The following CDH22 variants were observed in gnomAD, a reference collection of about 807,000 sequenced individuals.
CDH22 encodes the protein cadherin 22.
Under a neutral mutation model 58.4 loss-of-function variants are expected in CDH22, and 30 were observed. The ratio of observed to expected loss-of-function variants is 0.51; its 90% CI spans 0.38 to 0.70. The LOEUF (loss-of-function observed/expected upper bound fraction) is 0.70, where lower values mean the gene tolerates loss of function less well. Among genes scored for constraint, CDH22 ranks in the 30% least tolerant of loss-of-function variants. The pLI is 0.00. For synonymous variants in CDH22, 513 were observed against 558.2 expected (o/e 0.92, Z 1.14); for missense variants, 1,014 against 1,233.9 (o/e 0.82, Z 2.67).
chr20:46,202,679 C>T (rs2085970427), intron 7 of CDH22, among the ~76,000 whole-genome samples: 1 of 152,108 alleles, frequency 6.6e-6, no homozygotes, highest in African/African-American at 2.4e-5. Flanking sequence ...GCCTGACCGA[C>T]AGCCCATCCA....
At chr20:46,288,255 C>G (rs142968282) in intron 1 of CDH22, among the ~76,000 whole-genome samples, 1 of 152,222 alleles carries the variant, frequency 6.6e-6, no homozygotes, top group East Asian at 1.9e-4. Flanking sequence ...TGAATCCCTC[C>G]CTGGTACCCC....
chr20:46,294,360 T>C (rs1257012026), intron 1 of CDH22, among the ~76,000 whole-genome samples: 10 of 152,232 alleles, frequency 6.6e-5, no homozygotes, highest in East Asian at 1.9e-4. Flanking sequence ...TGAGGAGCCA[T>C]GCAACCTCCT....
rs939472137 is a variant in CDH22 at position 46,189,043 on chromosome 20, C to T, written c.1424-2096G>A. ...AAACTCAGGATCCACTGTGTGCTGA[C>T]GGCAGCTGCTCACGTGTTGATAAAG... On this transcript the variant is annotated intron_variant, in intron 8 of 11. Transcript: ENST00000537909. Among the ~76,000 whole-genome samples, 20 of 152,180 alleles carry T rather than the reference C, an allele frequency of 1.3e-4. No individual in the cohort carries two copies. In the East Asian group the frequency reaches 2.7e-3, roughly 21 times the overall value.
intron 1 of CDH22, among the ~76,000 whole-genome samples, chr20:46,307,716 C>A (rs2059030235): frequency 6.6e-6 from 1 of 151,986 alleles, no homozygotes; most frequent in Non-Finnish European, 1.5e-5. Context: ...GGACGCGGCA[C>A]GACCTCGCAC....
At chr20:46,262,441 G>A (rs377453436) in intron 1 of CDH22, among the ~76,000 whole-genome samples, 1 of 152,084 alleles carries the variant, frequency 6.6e-6, no homozygotes, top group Admixed American at 6.5e-5. Flanking sequence ...ACATGCTGCC[G>A]CACAGGTCTT....
intron 1 of CDH22, among the ~76,000 whole-genome samples, chr20:46,289,342 T>C (rs1039978919): frequency 6.6e-6 from 1 of 152,190 alleles, no homozygotes; most frequent in African/African-American, 2.4e-5. Flanking sequence ...ATAACACTTA[T>C]CACTATCTGA....
Position 46,216,709 on chromosome 20 carries a change from AG to A in CDH22, c.838+116del. 1.0e-6 allele frequency: 1 copy of A among 959,950 alleles called. No homozygotes were observed. Among genetic ancestry groups the A allele is most frequent in the African/African-American group, 1.6e-5 (1 of 61,678 alleles). 59.5% of individuals were successfully genotyped at this position (959,950 alleles called of 1,614,324 possible). A position where few individuals can be genotyped will look rare whatever the true frequency, so the allele number is the denominator to read the frequency against. Reference sequence around the variant, plus strand: ...AGGACAGACAGACAGACAGAAAGAGAGGGGGAAGCCCTTCTTTTGGTGGGAA... The same window carrying A: ...AGGACAGACAGACAGACAGAAAGAGAGGGGAAGCCCTTCTTTTGGTGGGAA... On this transcript the variant is annotated intron_variant, in intron 5 of 11. Coordinates refer to ENST00000537909, the MANE Select transcript of CDH22 (RefSeq NM_021248.3). The surrounding 1 kb of genome is among the most constrained non-coding windows in gnomAD (Gnocchi z 5.3).
rs1237258704 is a variant in CDH22, at chr20:46,308,039, A to T, written c.-400+216T>A. 9.2e-5 allele frequency among the ~76,000 whole-genome samples: 14 copies of T among 151,484 alleles called. No homozygotes were observed. The highest frequency in any genetic ancestry group is 1.8e-4 in the Non-Finnish European group (12 of 67,770). On this transcript the variant is annotated intron_variant, in intron 1 of 11. Coordinates refer to ENST00000537909, the MANE Select transcript of CDH22 (RefSeq NM_021248.3). This position sits in a 1 kb window ranked among gnomAD's most constrained non-coding sequence, Gnocchi z 4.3. ...GGCGGCTCGGCTCCGCGCCGGGGAAAGTTTGGACGTGGGAAACTCCCTCCC... is the reference window on the plus strand; with the variant it reads ...GGCGGCTCGGCTCCGCGCCGGGGAATGTTTGGACGTGGGAAACTCCCTCCC...
intron 4 of CDH22, among the ~76,000 whole-genome samples, chr20:46,223,403 GGTCCCCAC>G: frequency 1.3e-5 from 2 of 152,060 alleles, no homozygotes; most frequent in East Asian, 3.9e-4. Context: ...TCAACCCTAG[GGTCCCCAC>G]CTCCTCAGGC....
At chr20:46,274,838 A>AAC (rs1482311229) in intron 1 of CDH22, among the ~76,000 whole-genome samples, 10 of 151,884 alleles carry the variant, frequency 6.6e-5, no homozygotes, top group Non-Finnish European at 1.5e-5. Flanking sequence ...AAAAAAAAAA[A>AAC]AACCAAAAAT....
intron 11 of CDH22, among the ~76,000 whole-genome samples, chr20:46,177,521 C>T (rs1383734319): frequency 6.6e-6 from 1 of 152,118 alleles, no homozygotes; most frequent in Non-Finnish European, 1.5e-5. Flanking sequence ...AAAGATTATC[C>T]AGTACCCTTA....
At chr20:46,230,181 T>A (rs958878080) in intron 3 of CDH22, among the ~76,000 whole-genome samples, 3 of 152,042 alleles carry the variant, frequency 2.0e-5, no homozygotes, top group African/African-American at 7.2e-5. Context: ...GGGACCACCT[T>A]GGGGTGGTCC....
Position 46,186,815 on chromosome 20 carries a change from C to A in CDH22, c.1545+11G>T, listed in dbSNP as rs942757588. 5.0e-6 allele frequency: 8 copies of A among 1,599,252 alleles called. No homozygotes were observed. The highest frequency in any genetic ancestry group is 6.8e-6 in the Non-Finnish European group (8 of 1,171,764). On this transcript the variant is annotated intron_variant, in intron 9 of 11. Transcript: ENST00000537909. Reference sequence around the variant, plus strand: ...GGAAGCAACGCCCAGTCCCCACCCCCTCAGGGGTACCTGGCCTGGCTTGGC... The same window carrying A: ...GGAAGCAACGCCCAGTCCCCACCCCATCAGGGGTACCTGGCCTGGCTTGGC...
chr20:46,232,058 C>T (rs1312587549), intron 3 of CDH22, among the ~76,000 whole-genome samples: 1 of 152,192 alleles, frequency 6.6e-6, no homozygotes, highest in African/African-American at 2.4e-5. Context: ...ACACCAGCAT[C>T]AGGAGGGAGG....
intron 1 of CDH22, among the ~76,000 whole-genome samples, chr20:46,269,446 C>T (rs2086477070): frequency 6.6e-6 from 1 of 152,216 alleles, no homozygotes; most frequent in African/African-American, 2.4e-5. Flanking sequence ...TTGTCAAGTG[C>T]TTGATAACCA....
intron 1 of CDH22, among the ~76,000 whole-genome samples, chr20:46,305,075 C>G (rs893485796): frequency 3.9e-5 from 6 of 152,222 alleles, no homozygotes; most frequent in Non-Finnish European, 7.3e-5. Context: ...CTGTCCTGCA[C>G]CTCTGTTTCC....
At chr20:46,178,952 A>G (rs1456576918) in intron 10 of CDH22, among the ~76,000 whole-genome samples, 2 of 152,138 alleles carry the variant, frequency 1.3e-5, no homozygotes, top group African/African-American at 2.4e-5. Context: ...GCGGCCAGAG[A>G]GGACAGTGAA....
intron 4 of CDH22, among the ~76,000 whole-genome samples, chr20:46,226,578 C>T (rs1230785495): frequency 6.6e-6 from 1 of 152,170 alleles, no homozygotes. Context: ...CCACTGCACC[C>T]GCAGACACTT....
intron 1 of CDH22, among the ~76,000 whole-genome samples, chr20:46,260,197 T>G (rs2086426447): frequency 6.6e-6 from 1 of 152,222 alleles, no homozygotes; most frequent in African/African-American, 2.4e-5. Flanking sequence ...CTTTTTGTTT[T>G]CTGCATGTGG....
Sources: gnomAD v4.1 joint callset for allele counts (sites outside exome capture counted in the v4.1 genomes callset) on GRCh38, gnomAD v4.1.1 for gene constraint, Gnocchi (gnomAD v3.1) non-coding constraint, MANE v1.5 for transcripts, NCBI Gene and HGNC (gene_info 2026-07-23, HGNC 2026-07-21) for gene names.